The following TMEM230 variants were observed in gnomAD, a reference collection of about 807,000 sequenced individuals.
TMEM230 encodes UPF0414 transmembrane protein C20orf30.
A neutral mutation model predicts 15.8 loss-of-function variants in TMEM230; 10 were observed. That is an observed-to-expected ratio of 0.63 (90% CI 0.39 to 1.07). TMEM230 has a LOEUF of 1.07. TMEM230 is among the 50% of genes least tolerant of loss of function. The pLI, the probability that TMEM230 is intolerant of heterozygous loss-of-function variation, is 0.01. For missense variants in TMEM230, 165 were observed against 193.3 expected, an observed-to-expected ratio of 0.85 and a Z score of 0.87; for synonymous variants, 67 against 76.9, an observed-to-expected ratio of 0.87 and a Z score of 0.68.
chr20:5,093,799 A>G (rs917019910), intron 3 of TMEM230, among the ~76,000 whole-genome samples: 5 of 152,234 alleles, frequency 3.3e-5, no homozygotes, highest in East Asian at 1.9e-4. Context: ...TGGCCTCCCA[A>G]AGTGCTGGGA....
chr20:5,083,217 CGCACCCG>C (rs2089234193), intron 3 of TMEM230, among the ~76,000 whole-genome samples: 1 of 151,752 alleles, frequency 6.6e-6, no homozygotes, highest in Admixed American at 6.6e-5. Context: ...CGTGAGCCAC[CGCACCCG>C]GCCTAATTCT....
At chr20:5,111,346 C>CA (rs1187847938) in intron 2 of TMEM230, among the ~76,000 whole-genome samples, 1 of 151,760 alleles carries the variant, frequency 6.6e-6, no homozygotes, top group Non-Finnish European at 1.5e-5. Context: ...CGCAGTGGCT[C>CA]ACACCTGTAA....
intron 3 of TMEM230, chr20:5,069,448 G>A (rs2088754828): frequency 7.8e-7 from 1 of 1,282,116 alleles, no homozygotes; most frequent in Non-Finnish European, 1.1e-6. Context: ...ATGCATTTTG[G>A]TGCTCCACAA....
At chr20:5,102,181 T>C (rs962412534) in intron 4 of TMEM230, among the ~76,000 whole-genome samples, 1 of 152,222 alleles carries the variant, frequency 6.6e-6, no homozygotes, top group Non-Finnish European at 1.5e-5. Context: ...AAAACATGTT[T>C]TGCCAACAGA....
intron 3 of TMEM230, among the ~76,000 whole-genome samples, chr20:5,093,829 C>A (rs1001107128): frequency 6.6e-6 from 1 of 150,666 alleles, no homozygotes; most frequent in Non-Finnish European, 1.5e-5. Context: ...TGTGACACTG[C>A]ACCCAGCCTA....
downstream of TMEM230, among the ~76,000 whole-genome samples, chr20:5,096,728 ATTTAGGAG>A (rs1229412380): frequency 6.6e-6 from 1 of 152,198 alleles, no homozygotes; most frequent in Non-Finnish European, 1.5e-5. Context: ...GTGGAAGGCC[ATTTAGGAG>A]TCTGACGTAA....
chr20:5,072,290 G>A (rs573351493), intron 3 of TMEM230, among the ~76,000 whole-genome samples: 2 of 152,176 alleles, frequency 1.3e-5, no homozygotes, highest in East Asian at 1.9e-4. Flanking sequence ...GGCCTCAAGC[G>A]ATCTTCCCAC....
At chr20:5,063,021 G>T in the TMEM230 span, among the ~76,000 whole-genome samples, 1 of 152,082 alleles carries the variant, frequency 6.6e-6, no homozygotes, top group African/African-American at 2.4e-5. Flanking sequence ...AGTTACGAGG[G>T]AGGGACATTG....
At chr20:5,104,922 T>C (rs566380636) in intron 4 of TMEM230, among the ~76,000 whole-genome samples, 24 of 152,344 alleles carry the variant, frequency 1.6e-4, no homozygotes, top group African/African-American at 5.8e-4. Flanking sequence ...TATAGTTACA[T>C]AGAATGAATA....
downstream of TMEM230, among the ~76,000 whole-genome samples, chr20:5,095,396 C>T (rs971530480): frequency 2.6e-5 from 4 of 152,158 alleles, no homozygotes; most frequent in Non-Finnish European, 5.9e-5. Context: ...AAGCATGTTC[C>T]ACTCCTGCCA....
downstream of TMEM230, chr20:5,065,986 G>C (rs908763032): frequency 2.0e-5 from 3 of 152,568 alleles, no homozygotes; most frequent in Admixed American, 6.5e-5. Flanking sequence ...GGCGAAGGAG[G>C]CCACAAGTTC....
chr20:5,098,081 A>T (rs2089720050), downstream of TMEM230, among the ~76,000 whole-genome samples: 1 of 146,270 alleles, frequency 6.8e-6, no homozygotes, highest in South Asian at 2.2e-4. Flanking sequence ...GGGTTCAAGC[A>T]ATTCTCCTGC....
intron 3 of TMEM230, 37 bp downstream of exon 2, chr20:5,109,295 C>T (rs770147261): frequency 1.3e-6 from 2 of 1,537,220 alleles, no homozygotes; most frequent in South Asian, 1.1e-5. Flanking sequence ...AACAGAAACA[C>T]AGCCAGTCAG....
In TMEM230 at chr20:5,103,859, T is replaced by C. The variant is rs374956131; in HGVS notation, c.411+2329A>G. Among the ~76,000 whole-genome samples the C allele has an allele frequency of 3.5e-4, 54 of 152,142 alleles. 2 individuals are homozygous for C. In the South Asian group the frequency reaches 8.1e-3, roughly 23 times the overall value. On this transcript the variant is annotated intron_variant, in intron 4 of 4. Transcript: ENST00000342308. ...TACTATAAGAAAACATGGGGGAAAC[T>C]CTCCAGGATGCTGGACTGGGCAAAG...
chr20:5,069,413 C>T, intron 3 of TMEM230: 1 of 1,464,558 alleles, frequency 6.8e-7, no homozygotes, highest in East Asian at 2.5e-5. Flanking sequence ...CTCAAAAAAT[C>T]CTAATTGTCA....
At chr20:5,060,755 C>T in the TMEM230 span, among the ~76,000 whole-genome samples, 1 of 152,104 alleles carries the variant, frequency 6.6e-6, no homozygotes, top group African/African-American at 2.4e-5. Flanking sequence ...TATGAATATA[C>T]CGTAATTTAT....
chr20:5,082,922 G>GTTTTTTTTTTTTT (rs140284230), intron 3 of TMEM230, among the ~76,000 whole-genome samples: 1 of 127,254 alleles, frequency 7.9e-6, no homozygotes, highest in African/African-American at 3.0e-5. Context: ...TCTTCATATT[G>GTTTTTTTTTTTTT]TTTTTTTTTT....
intron 4 of TMEM230, among the ~76,000 whole-genome samples, chr20:5,102,688 C>CAAAAAAA (rs58106156): frequency 2.4e-5 from 2 of 83,022 alleles, no homozygotes; most frequent in Admixed American, 1.3e-4. Context: ...GACCCTGTCT[C>CAAAAAAA]AAAAAAAAAA....
chr20:5,103,433 C>T (rs1197124555), intron 4 of TMEM230, among the ~76,000 whole-genome samples: 2 of 151,882 alleles, frequency 1.3e-5, no homozygotes, highest in Non-Finnish European at 2.9e-5. Context: ...CACTGTACTC[C>T]TGGACTGCTT....
Sources: gnomAD v4.1 joint callset for allele counts (sites outside exome capture counted in the v4.1 genomes callset) on GRCh38, gnomAD v4.1.1 for gene constraint, MANE v1.5 for transcripts, NCBI Gene and HGNC (gene_info 2026-07-23, HGNC 2026-07-21) for gene names.